The following TBC1D22A variants were observed in gnomAD, a reference collection of about 807,000 sequenced individuals.
TBC1D22A encodes the protein TBC1 domain family member 22A.
Under a neutral mutation model 60.2 loss-of-function variants are expected in TBC1D22A, and 38 were observed. The ratio of observed to expected loss-of-function variants is 0.63; its 90% CI spans 0.49 to 0.83. The LOEUF (loss-of-function observed/expected upper bound fraction) is 0.83, where lower values mean the gene tolerates loss of function less well. TBC1D22A is among the 40% of genes least tolerant of loss of function. TBC1D22A has a pLI of 0.00. For missense variants in TBC1D22A, 628 were observed against 701.0 expected (o/e 0.90, Z 1.18); for synonymous variants, 302 against 281.7 (o/e 1.07, Z -0.72).
At chr22:46,909,705 C>T (rs533499307) in intron 7 of TBC1D22A, among the ~76,000 whole-genome samples, 5 of 152,206 alleles carry the variant, frequency 3.3e-5, no homozygotes, top group Non-Finnish European at 7.3e-5. Context: ...CTGCTCCTGA[C>T]CCTTTTGGGG....
At chr22:47,160,414 C>T (rs1327453144) in intron 12 of TBC1D22A, among the ~76,000 whole-genome samples, 2 of 152,200 alleles carry the variant, frequency 1.3e-5, no homozygotes, top group East Asian at 1.9e-4. Context: ...GAGAAGGGAA[C>T]GTCCTGGTCC....
intron 1 of TBC1D22A, among the ~76,000 whole-genome samples, chr22:46,769,754 G>T (rs552927167): frequency 2.0e-5 from 3 of 152,288 alleles, no homozygotes; most frequent in South Asian, 4.1e-4. Flanking sequence ...ACAGGGAGGG[G>T]TGTGATACTG....
intron 8 of TBC1D22A, among the ~76,000 whole-genome samples, chr22:46,940,138 A>C (rs1421759307): frequency 6.6e-6 from 1 of 152,228 alleles, no homozygotes; most frequent in Non-Finnish European, 1.5e-5. Flanking sequence ...ATATGTTTCA[A>C]ACAGCAGCAT....
chr22:46,941,441 C>G (rs1041338804), intron 8 of TBC1D22A, among the ~76,000 whole-genome samples: 1 of 132,090 alleles, frequency 7.6e-6, no homozygotes, highest in African/African-American at 3.0e-5. Flanking sequence ...TATATATACA[C>G]GGAATATATA....
At chr22:47,131,011 G>A (rs886774929) in intron 12 of TBC1D22A, among the ~76,000 whole-genome samples, 6 of 152,184 alleles carry the variant, frequency 3.9e-5, no homozygotes, top group East Asian at 3.9e-4. Context: ...ACGGGGAGCC[G>A]GCGTGTCACG....
chr22:46,771,265 G>A (rs2083469463), intron 1 of TBC1D22A, among the ~76,000 whole-genome samples: 1 of 152,116 alleles, frequency 6.6e-6, no homozygotes, highest in Admixed American at 6.5e-5. Context: ...GAGGAACCAT[G>A]GGATTCCTCA....
At chr22:46,976,494 C>T (rs1277336834) in intron 9 of TBC1D22A, among the ~76,000 whole-genome samples, 1 of 152,200 alleles carries the variant, frequency 6.6e-6, no homozygotes, top group Non-Finnish European at 1.5e-5. Context: ...CTAGTGTTTA[C>T]AAGCACTGCC....
chr22:46,949,238 C>T (rs890715702), intron 8 of TBC1D22A, among the ~76,000 whole-genome samples: 2 of 152,246 alleles, frequency 1.3e-5, no homozygotes, highest in Non-Finnish European at 2.9e-5. Context: ...TACCTGGAAC[C>T]ACCATGAGCA....
intron 11 of TBC1D22A, among the ~76,000 whole-genome samples, chr22:47,071,740 A>G (rs552882147): frequency 1.3e-5 from 2 of 152,308 alleles, no homozygotes; most frequent in East Asian, 1.9e-4. Context: ...AAAGAGGAAA[A>G]GAAATGAGCC....
rs543898212 is a variant in TBC1D22A at position 46,990,913 on chromosome 22, G to A, written c.1126-6721G>A. Among the ~76,000 whole-genome samples, 47 of 152,322 alleles carry A rather than the reference G, an allele frequency of 3.1e-4. No individual in the cohort carries two copies. Among genetic ancestry groups the A allele is most frequent in the African/African-American group, 1.1e-3 (45 of 41,558 alleles). ...GCCGCTTTACTCTGCTGGTTGGCCC[G>A]TGTCTGAAGACAAGGGACAGTCACG... On this transcript the variant is annotated intron_variant, in intron 9 of 12. Transcript: ENST00000337137. The surrounding 1 kb of genome is among the most constrained non-coding windows in gnomAD (Gnocchi z 4.6).
intron 5 of TBC1D22A, among the ~76,000 whole-genome samples, chr22:46,885,573 A>G (rs1430132547): frequency 6.6e-6 from 1 of 152,128 alleles, no homozygotes; most frequent in Admixed American, 6.5e-5. Flanking sequence ...GCTTGAAATA[A>G]CAACAAGGTG....
intron 1 of TBC1D22A, among the ~76,000 whole-genome samples, chr22:46,774,683 G>C (rs958040153): frequency 6.6e-6 from 1 of 152,220 alleles, no homozygotes; most frequent in Non-Finnish European, 1.5e-5. Flanking sequence ...CGAGCTCCTA[G>C]GGGAACGGGT....
intron 5 of TBC1D22A, 49 bp from the exon 6 acceptor site, chr22:46,891,217 C>A (rs2068387428): frequency 1.9e-6 from 3 of 1,543,418 alleles, no homozygotes; most frequent in Non-Finnish European, 1.7e-6. Context: ...AATAGGGACT[C>A]CATGAATTAG....
At chr22:46,797,740 C>A in intron 4 of TBC1D22A, 120 bp downstream of exon 4, 1 of 1,080,174 alleles carries the variant, frequency 9.3e-7, no homozygotes, top group Non-Finnish European at 1.3e-6. Flanking sequence ...GTGTAATTTG[C>A]CTTGCAGGAA....
chr22:46,941,705 G>GGGATATATATA (rs1569249189), intron 8 of TBC1D22A, among the ~76,000 whole-genome samples: 3 of 107,208 alleles, frequency 2.8e-5, no homozygotes, highest in African/African-American at 1.0e-4. Context: ...GATTATATAT[G>GGGATATATATA]CGGAATATAT....
At chr22:47,162,650 G>A (rs2068035786) in intron 12 of TBC1D22A, among the ~76,000 whole-genome samples, 1 of 53,138 alleles carries the variant, frequency 1.9e-5, no homozygotes, top group Non-Finnish European at 4.7e-5. Context: ...AGAGTCGTGG[G>A]AATGGGACTG....
chr22:47,148,739 G>T (rs983081852), intron 12 of TBC1D22A, among the ~76,000 whole-genome samples: 40 of 150,634 alleles, frequency 2.7e-4, no homozygotes, highest in Admixed American at 2.4e-3. Context: ...CTCTCCTGGG[G>T]TCCCTCCCTC....
At chr22:46,867,024 T>C (rs569975829) in intron 4 of TBC1D22A, among the ~76,000 whole-genome samples, 28 of 152,352 alleles carry the variant, frequency 1.8e-4, no homozygotes, top group African/African-American at 6.3e-4. Flanking sequence ...ACAGGATTTG[T>C]CATTTCATGA....
At chr22:46,765,848 T>G (rs910608832) in intron 1 of TBC1D22A, among the ~76,000 whole-genome samples, 39 of 150,680 alleles carry the variant, frequency 2.6e-4, no homozygotes, top group African/African-American at 9.3e-4. Flanking sequence ...TGGCATGATC[T>G]CAGCTCACTG....
Sources: gnomAD v4.1 joint callset for allele counts (sites outside exome capture counted in the v4.1 genomes callset) on GRCh38, gnomAD v4.1.1 for gene constraint, Gnocchi (gnomAD v3.1) non-coding constraint, MANE v1.5 for transcripts, NCBI Gene and HGNC (gene_info 2026-07-23, HGNC 2026-07-21) for gene names.